Variants in TTC23 observed in about 807,000 individuals in gnomAD.
The protein encoded by TTC23 is tetratricopeptide repeat domain 23.
Under a neutral mutation model 55.1 loss-of-function variants are expected in TTC23, and 58 were observed. The observed-to-expected ratio is 1.05, with a 90% CI of 0.85 to 1.31. The LOEUF is 1.31. Among genes scored for constraint, TTC23 ranks in the 50% most tolerant of loss-of-function variants. The probability of loss-of-function intolerance (pLI) is 0.00; values close to 1 mark genes in which losing one functional copy is unlikely to be tolerated. For missense variants in TTC23, 516 were observed against 534.4 expected, an observed-to-expected ratio of 0.97 and a Z score of 0.34; for synonymous variants, 203 against 199.9, an observed-to-expected ratio of 1.02 and a Z score of -0.13.
rs1365889062 is a variant in TTC23 at position 99,137,018 on chromosome 15, G to A, written c.*992C>T. The A allele has an allele frequency of 6.6e-6, 1 of 152,318 alleles. No homozygotes were observed. Among genetic ancestry groups the A allele is most frequent in the Non-Finnish European group, 1.5e-5 (1 of 68,122 alleles). The allele number at this position is 152,318 out of a possible 1,614,324, so 9.4% of individuals were successfully genotyped here. A position where few individuals can be genotyped will look rare whatever the true frequency, so the allele number is the denominator to read the frequency against. ...GGAGGGCCCTGTGCTGCAATCTGCT[G>A]TCATAGCACCAGCCTGCAGCCTCAT... On this transcript the variant is annotated 3_prime_UTR_variant, in exon 14 of 14. Transcript: ENST00000394132.
chr15:99,140,924 C>T (rs2068157538), intron 12 of TTC23: 1 of 152,106 alleles, frequency 6.6e-6, no homozygotes, highest in South Asian at 2.1e-4. Context: ...ACCAAAACCT[C>T]TCAATAGAAT....
intron 8 of TTC23, among the ~76,000 whole-genome samples, chr15:99,206,630 T>A (rs2076650025): frequency 6.6e-6 from 1 of 152,160 alleles, no homozygotes. Context: ...CTAATGATCC[T>A]TTGAATTTCT....
chr15:99,195,323 G>T (rs968817338), intron 9 of TTC23, among the ~76,000 whole-genome samples: 1 of 152,176 alleles, frequency 6.6e-6, no homozygotes, highest in Non-Finnish European at 1.5e-5. Context: ...CCCATGGAAA[G>T]ATGCCCCATA....
At chr15:99,211,395 AAG>A (rs2077029389) in intron 8 of TTC23, among the ~76,000 whole-genome samples, 1 of 152,126 alleles carries the variant, frequency 6.6e-6, no homozygotes, top group Non-Finnish European at 1.5e-5. Flanking sequence ...AACAAAAAAA[AAG>A]AAGAAGTAAG....
intron 8 of TTC23, among the ~76,000 whole-genome samples, chr15:99,211,497 G>GA (rs1357555549): frequency 1.3e-5 from 2 of 151,990 alleles, no homozygotes; most frequent in Admixed American, 6.6e-5. Flanking sequence ...AAAAAATGCA[G>GA]AAAAAAATTG....
At chr15:99,203,931 T>G (rs1353555698) in intron 8 of TTC23, among the ~76,000 whole-genome samples, 1 of 152,210 alleles carries the variant, frequency 6.6e-6, no homozygotes, top group Non-Finnish European at 1.5e-5. Flanking sequence ...GGTTGGCCAT[T>G]GTGAATAGTG....
intron 12 of TTC23, among the ~76,000 whole-genome samples, chr15:99,154,231 C>G (rs2070233999): frequency 6.6e-6 from 1 of 152,158 alleles, no homozygotes; most frequent in African/African-American, 2.4e-5. Context: ...TTTTTATAAG[C>G]AAATATAACA....
At chr15:99,213,571 A>T (rs146668881) in intron 8 of TTC23, among the ~76,000 whole-genome samples, 66 of 152,320 alleles carry the variant, frequency 4.3e-4, no homozygotes, top group Non-Finnish European at 8.5e-4. Flanking sequence ...TATAAGACAG[A>T]ATACCTAATT....
chr15:99,151,372 T>C (rs1213082232), intron 12 of TTC23: 1 of 152,136 alleles, frequency 6.6e-6, no homozygotes. Context: ...CCTGAGGTCT[T>C]TGAGGTCTTT....
At chr15:99,203,454 A>G (rs2076357748) in intron 8 of TTC23, among the ~76,000 whole-genome samples, 1 of 152,180 alleles carries the variant, frequency 6.6e-6, no homozygotes, top group Non-Finnish European at 1.5e-5. Flanking sequence ...TCAAGCATTT[A>G]TCATTTCTTT....
chr15:99,142,311 G>A (rs1441706255), intron 12 of TTC23, among the ~76,000 whole-genome samples: 1 of 152,190 alleles, frequency 6.6e-6, no homozygotes, highest in Non-Finnish European at 1.5e-5. Flanking sequence ...CCACCCATCA[G>A]TGAGAGGCCC....
intron 12 of TTC23, among the ~76,000 whole-genome samples, chr15:99,143,360 C>G (rs55752512): frequency 0.081 from 12,401 of 152,286 alleles, 709 homozygotes; most frequent in Middle Eastern, 0.25. Context: ...GTTAAAAACA[C>G]AGGCATTGAC....
chr15:99,241,107 G>A (rs751547162), intron 3 of TTC23, among the ~76,000 whole-genome samples: 1 of 152,014 alleles, frequency 6.6e-6, no homozygotes, highest in Non-Finnish European at 1.5e-5. Flanking sequence ...ACCTGAGGTC[G>A]GGAGTTCGAG....
At chr15:99,199,797 A>ATCT in intron 9 of TTC23, 122 bp downstream of exon 9, 1 of 983,082 alleles carries the variant, frequency 1.0e-6, no homozygotes, top group East Asian at 2.5e-5. Flanking sequence ...ACTCTAGGCC[A>ATCT]ACTGTTGTCC....
At position 99,137,810 on chromosome 15, in the gene TTC23, A is replaced by G. The variant is rs2067710888; in HGVS notation, c.*200T>C. ...GTGATAGAAAACTGCTTTATAGCATATATCACCCTGAAGGGCATCCACTGT... is the reference window on the plus strand; with the variant it reads ...GTGATAGAAAACTGCTTTATAGCATGTATCACCCTGAAGGGCATCCACTGT... On this transcript the variant is annotated 3_prime_UTR_variant, in exon 14 of 14. Transcript: ENST00000394132. 2 of 786,366 alleles carry G rather than the reference A, an allele frequency of 2.5e-6. No individual in the cohort carries two copies. The highest frequency in any genetic ancestry group is 3.9e-6 in the Non-Finnish European group (2 of 513,750). The allele number at this position is 786,366 out of a possible 1,614,324, so 48.7% of individuals were successfully genotyped here.
chr15:99,218,558 T>A (rs115374662), intron 8 of TTC23, 30 bp downstream of exon 8: 1 of 1,613,756 alleles, frequency 6.2e-7, no homozygotes, highest in Non-Finnish European at 8.5e-7. Context: ...CCCGCCATCA[T>A]GTATGCAAAA....
At chr15:99,242,828 TA>T (rs1248574953) in intron 2 of TTC23, among the ~76,000 whole-genome samples, 2 of 152,142 alleles carry the variant, frequency 1.3e-5, no homozygotes, top group African/African-American at 4.8e-5. Flanking sequence ...AAAAGGCTGA[TA>T]AAAGCCTGAT....
intron 3 of TTC23, among the ~76,000 whole-genome samples, chr15:99,236,217 T>C (rs1220745830): frequency 6.6e-6 from 1 of 152,192 alleles, no homozygotes; most frequent in Non-Finnish European, 1.5e-5. Flanking sequence ...AACATCGTAT[T>C]GTTTTCCACA....
chr15:99,211,699 T>C (rs554661726), intron 8 of TTC23, among the ~76,000 whole-genome samples: 2 of 152,302 alleles, frequency 1.3e-5, no homozygotes, highest in Admixed American at 6.5e-5. Flanking sequence ...TAAAGTAATA[T>C]CTTTTTAATC....
Sources: allele counts gnomAD v4.1 joint callset (sites outside exome capture counted in the v4.1 genomes callset), GRCh38; gene constraint gnomAD v4.1.1; transcripts MANE v1.5; gene names NCBI Gene and HGNC (gene_info 2026-07-23, HGNC 2026-07-21).